The following SRFBP1 variants were observed in gnomAD, a reference collection of about 807,000 sequenced individuals.
The protein encoded by SRFBP1 is serum response factor binding protein 1, also known as serum response factor-binding protein 1.
A neutral mutation model predicts 45.5 loss-of-function variants in SRFBP1; 47 were observed. The ratio of observed to expected loss-of-function variants is 1.03; its 90% CI spans 0.82 to 1.32. The LOEUF (loss-of-function observed/expected upper bound fraction) is 1.32. Ranked by LOEUF, SRFBP1 falls within the 40% of genes most tolerant of loss-of-function variation. The probability of loss-of-function intolerance (pLI) is 0.00; values close to 1 mark genes in which losing one functional copy is unlikely to be tolerated. For synonymous variants in SRFBP1, 203 were observed against 166.3 expected (o/e 1.22, Z -1.70); for missense variants, 621 against 484.6 (o/e 1.28, Z -2.64).
chr5:122,071,577 G>C (rs926947819), intron 2 of SRFBP1, among the ~76,000 whole-genome samples: 1 of 152,142 alleles, frequency 6.6e-6, no homozygotes, highest in African/African-American at 2.4e-5. Context: ...TTGCTTTTAA[G>C]AATGTTATAG....
At position 122,070,520 on chromosome 5, in the gene SRFBP1, C is replaced by T. The variant is rs1380086603; in HGVS notation, n.312-4795C>T. 2 of 1,606,226 alleles carry T rather than the reference C, an allele frequency of 1.2e-6. No homozygotes were observed. Among genetic ancestry groups the T allele is most frequent in the Non-Finnish European group, 1.7e-6 (2 of 1,174,116 alleles). ...TTTAGGATATAGTTTCCAGGTTTTA[C>T]ATCTGTAATATCAATCCACTGGCAG... On this transcript the variant is annotated intron_variant and non_coding_transcript_variant, in intron 2 of 2. Transcript: ENST00000504881.
chr5:122,002,627 C>A (rs534330778), intron 4 of SRFBP1, among the ~76,000 whole-genome samples: 36 of 152,278 alleles, frequency 2.4e-4, no homozygotes, highest in African/African-American at 8.4e-4. Context: ...ATTAGTAGTT[C>A]ATGGCAGTAA....
rs113690277 is a variant in SRFBP1, at chr5:121,977,288, G to GTA, written c.198+1909_198+1910dup. 7.7e-3 allele frequency among the ~76,000 whole-genome samples: 1,176 copies of GTA among 152,006 alleles called. 23 individuals are homozygous for GTA. The highest frequency in any genetic ancestry group is 0.027 in the African/African-American group (1,124 of 41,488). ...ATTCCTTAAATTCATAAAATTCATA[G>GTA]TATATATATGTCTTGAGTTTGTGGC... On this transcript the variant is annotated intron_variant, in intron 3 of 7. Coordinates refer to ENST00000339397, the MANE Select transcript of SRFBP1 (RefSeq NM_152546.3).
chr5:122,012,790 A>G (rs1008735964), intron 4 of SRFBP1, among the ~76,000 whole-genome samples: 21 of 152,134 alleles, frequency 1.4e-4, no homozygotes, highest in Non-Finnish European at 1.5e-5. Flanking sequence ...TTATAATACC[A>G]GTATTCTAAT....
intron 2 of SRFBP1, 23 bp from the exon 3 acceptor site, chr5:121,975,292 A>G (rs780133813): frequency 5.6e-6 from 9 of 1,611,456 alleles, no homozygotes; most frequent in Non-Finnish European, 6.8e-6. Flanking sequence ...GCCTGGCTAC[A>G]TATCGTAATG....
intron 3 of SRFBP1, among the ~76,000 whole-genome samples, chr5:121,988,172 A>G (rs991949222): frequency 3.3e-5 from 5 of 152,180 alleles, no homozygotes; most frequent in African/African-American, 1.2e-4. Context: ...AAGGAATTCA[A>G]ACAAATTTTA....
intron 3 of SRFBP1, among the ~76,000 whole-genome samples, chr5:121,977,014 A>G (rs1460271827): frequency 1.3e-5 from 2 of 152,072 alleles, no homozygotes; most frequent in African/African-American, 4.8e-5. Context: ...TTTCAGTGAT[A>G]CATTTGATTA....
chr5:122,041,920 A>T (rs1753779997), intron 2 of SRFBP1, among the ~76,000 whole-genome samples: 1 of 152,226 alleles, frequency 6.6e-6, no homozygotes, highest in Admixed American at 6.5e-5. Context: ...TGCTTTTAGC[A>T]TGAAATTCAC....
chr5:122,008,436 CA>C (rs1753022174), intron 4 of SRFBP1, among the ~76,000 whole-genome samples: 1 of 152,064 alleles, frequency 6.6e-6, no homozygotes, highest in African/African-American at 2.4e-5. Flanking sequence ...GGTTCCCAGG[CA>C]AAGTATAGTG....
chr5:121,975,228 T>TAAAAAAAA, intron 2 of SRFBP1, 87 bp from the exon 3 acceptor site: 1 of 1,382,562 alleles, frequency 7.2e-7, no homozygotes, highest in Non-Finnish European at 1.0e-6. Context: ...TACGCTTTTC[T>TAAAAAAAA]AAAAAGAAAT....
chr5:121,993,978 T>A (rs1186870327), intron 3 of SRFBP1, among the ~76,000 whole-genome samples: 1 of 152,066 alleles, frequency 6.6e-6, no homozygotes, highest in Non-Finnish European at 1.5e-5. Context: ...CTGTACTTTC[T>A]TTGACTTAAT....
chr5:121,987,929 T>C (rs1311548695), intron 3 of SRFBP1, among the ~76,000 whole-genome samples: 2 of 152,124 alleles, frequency 1.3e-5, no homozygotes, highest in African/African-American at 4.8e-5. Flanking sequence ...CGAGTCACTA[T>C]ATTAGGTTGT....
At position 121,962,045 on chromosome 5, in the gene SRFBP1, G is replaced by A. The variant is rs1182657357; in HGVS notation, c.13G>A (p.Gly5Arg). The A allele has an allele frequency of 1.9e-6, 3 of 1,613,982 alleles. No individual in the cohort carries two copies. The highest frequency in any genetic ancestry group is 1.1e-5 in the South Asian group (1 of 91,088). MAQP[G>R]TLNLNNEVVK... ...TCCTTCATCTACCATGGCTCAGCCG[G>A]GAACTCTGAACCTCAATAACGAGGT... The change falls in exon 1 of 8, where the codon GGA becomes AGA. Residue 5 changes from glycine to arginine, a missense_variant. Coordinates refer to ENST00000339397, the MANE Select transcript of SRFBP1 (RefSeq NM_152546.3).
At chr5:122,032,311 G>C (rs921977609), downstream of SRFBP1, among the ~76,000 whole-genome samples, 8 of 150,650 alleles carry the variant, frequency 5.3e-5, no homozygotes, top group African/African-American at 2.0e-4. Context: ...CACTGTTCGT[G>C]AAGTCAGAGC....
intron 3 of SRFBP1, among the ~76,000 whole-genome samples, chr5:121,980,256 CTATAA>C (rs1752382229): frequency 6.6e-6 from 1 of 152,064 alleles, no homozygotes; most frequent in African/African-American, 2.4e-5. Context: ...AATTGTAATA[CTATAA>C]TATAATAATA....
At chr5:121,995,372 G>A (rs985531018) in intron 4 of SRFBP1, among the ~76,000 whole-genome samples, 19 of 152,056 alleles carry the variant, frequency 1.2e-4, no homozygotes, top group South Asian at 2.1e-4. Context: ...ACTCAAAGCC[G>A]CTCAACTACA....
chr5:122,046,557 T>C (rs1753863337), intron 2 of SRFBP1, among the ~76,000 whole-genome samples: 1 of 152,234 alleles, frequency 6.6e-6, no homozygotes, highest in Non-Finnish European at 1.5e-5. Context: ...TTTGGGTATA[T>C]ACCCAGTAAT....
At chr5:122,024,953 G>T (rs1580533231) in intron 7 of SRFBP1, among the ~76,000 whole-genome samples, 1 of 151,170 alleles carries the variant, frequency 6.6e-6, no homozygotes, top group South Asian at 2.1e-4. Flanking sequence ...GTTTTGTTTT[G>T]TTTTTTTTAT....
rs1265167102 is a variant in SRFBP1 at position 122,027,383 on chromosome 5, G to A, written c.*257G>A. On this transcript the variant is annotated 3_prime_UTR_variant, in exon 8 of 8. Coordinates refer to ENST00000339397, the MANE Select transcript of SRFBP1 (RefSeq NM_152546.3). The stretch of plus-strand genomic sequence containing the variant: ...AAACTCGTATTTGAATAAGTCTCTT[G>A]GGGAGAATTATAGAATGTTTGTTTT... 2.8e-5 allele frequency: 7 copies of A among 248,646 alleles called. No homozygotes were observed. The highest frequency in any genetic ancestry group is 3.8e-5 in the Non-Finnish European group (5 of 131,548). 15.4% of individuals were successfully genotyped at this position (248,646 alleles called of 1,614,324 possible).
Sources: gnomAD v4.1 joint callset for allele counts (sites outside exome capture counted in the v4.1 genomes callset) on GRCh38, gnomAD v4.1.1 for gene constraint, MANE v1.5 for transcripts, NCBI Gene and HGNC (gene_info 2026-07-23, HGNC 2026-07-21) for gene names.